RSPH14: variants seen among roughly 807,000 people sequenced by gnomAD.
RSPH14 encodes rhabdoid tumor deletion region gene 1.
In RSPH14, 20 loss-of-function variants were observed where a neutral mutation model predicts 26.7. That is an observed-to-expected ratio of 0.75 (90% confidence interval 0.53 to 1.09). The LOEUF (loss-of-function observed/expected upper bound fraction) is 1.09, where lower values mean the gene tolerates loss of function less well. Ranked by LOEUF, RSPH14 falls within the 50% of genes least tolerant of loss-of-function variation. The pLI, the probability that RSPH14 is intolerant of heterozygous loss-of-function variation, is 0.00. For synonymous variants in RSPH14, 177 were observed against 189.3 expected, an observed-to-expected ratio of 0.93 and a Z score of 0.53; for missense variants, 449 against 457.2, an observed-to-expected ratio of 0.98 and a Z score of 0.16.
chr22:23,176,587 G>A, the RSPH14 span, among the ~76,000 whole-genome samples: 1 of 152,060 alleles, frequency 6.6e-6, no homozygotes, highest in Non-Finnish European at 1.5e-5. Flanking sequence ...CCCACGGCCT[G>A]GTGTTGGGTC....
intron 4 of RSPH14, 120 bp from the exon 5 acceptor site, chr22:23,064,253 C>T: frequency 1.2e-6 from 1 of 851,026 alleles, no homozygotes; most frequent in Non-Finnish European, 1.9e-6. Flanking sequence ...GACAAAAGGA[C>T]TTGCAAGTGC....
chr22:23,095,115 T>G, intron 4 of RSPH14: 1 of 158,706 alleles, frequency 6.3e-6, no homozygotes, highest in Non-Finnish European at 1.4e-5. Flanking sequence ...GAGAGGGGGT[T>G]GGATGGATTG....
chr22:23,073,410 C>T (rs1569158817), intron 4 of RSPH14, among the ~76,000 whole-genome samples: 1 of 152,210 alleles, frequency 6.6e-6, no homozygotes, highest in Non-Finnish European at 1.5e-5. Context: ...CGTGGGAGCA[C>T]CCAGACTGTT....
the RSPH14 span, chr22:23,153,573 G>A: frequency 1.0e-6 from 1 of 985,188 alleles, no homozygotes; most frequent in Non-Finnish European, 1.2e-6. Context: ...CTTGGGCAAG[G>A]AGGGCTGAGA....
intron 3 of RSPH14, among the ~76,000 whole-genome samples, chr22:23,137,597 C>T (rs1276213137): frequency 6.6e-6 from 1 of 152,000 alleles, no homozygotes; most frequent in African/African-American, 2.4e-5. Flanking sequence ...AATCCTGAAC[C>T]GATTTGAAGC....
At chr22:23,105,853 A>G (rs1366066934) in intron 4 of RSPH14, among the ~76,000 whole-genome samples, 1 of 152,202 alleles carries the variant, frequency 6.6e-6, no homozygotes, top group Non-Finnish European at 1.5e-5. Flanking sequence ...CTGAAACAGA[A>G]GTGGACTGGG....
At chr22:23,109,208 G>T (rs1399782520) in intron 4 of RSPH14, among the ~76,000 whole-genome samples, 1 of 152,172 alleles carries the variant, frequency 6.6e-6, no homozygotes, top group Non-Finnish European at 1.5e-5. Context: ...AGCCTCTGGG[G>T]TAAGGTAGAG....
rs530714147 is a variant in RSPH14, at chr22:23,066,015, G to C, written c.422-1882C>G. Among the ~76,000 whole-genome samples the C allele has an allele frequency of 3.3e-3, 497 of 152,184 alleles. 4 individuals carry two copies. The highest frequency in any genetic ancestry group is 5.2e-3 in the Non-Finnish European group (357 of 68,020). On this transcript the variant is annotated intron_variant, in intron 4 of 6. Coordinates refer to ENST00000216036, the MANE Select transcript of RSPH14 (RefSeq NM_014433.3). Reference sequence around the variant, plus strand: ...CTGCTTCCCCTCAGGTTCTGCCCACGGTCTCCCTACCCACTCCTGGCTATA... The same window carrying C: ...CTGCTTCCCCTCAGGTTCTGCCCACCGTCTCCCTACCCACTCCTGGCTATA...
intron 2 of RSPH14, 135 bp downstream of exon 2, chr22:23,140,087 C>T (rs1467152847): frequency 1.5e-5 from 16 of 1,064,856 alleles, no homozygotes; most frequent in Non-Finnish European, 1.7e-5. Context: ...AAAAAGAACC[C>T]GGGCACCGCA....
intron 4 of RSPH14, chr22:23,123,428 C>G: frequency 6.2e-7 from 1 of 1,604,460 alleles, no homozygotes; most frequent in Non-Finnish European, 8.5e-7. Context: ...TTGGCCTTTG[C>G]TGAGGAGCTG....
intron 6 of RSPH14, among the ~76,000 whole-genome samples, chr22:23,060,041 T>C (rs971764290): frequency 1.3e-5 from 2 of 152,144 alleles, no homozygotes; most frequent in African/African-American, 2.4e-5. Context: ...TATCCAGATG[T>C]AGTGACAGGT....
intron 4 of RSPH14, among the ~76,000 whole-genome samples, chr22:23,099,304 C>A (rs1391160516): frequency 6.6e-6 from 1 of 152,266 alleles, no homozygotes; most frequent in African/African-American, 2.4e-5. Flanking sequence ...CAGCGAGCCA[C>A]ATGGGGAGCC....
At chr22:23,138,616 C>T (rs2070524298) in intron 3 of RSPH14, among the ~76,000 whole-genome samples, 1 of 152,024 alleles carries the variant, frequency 6.6e-6, no homozygotes, top group Admixed American at 6.6e-5. Flanking sequence ...TTGGAACTAA[C>T]ATAAAATAAA....
chr22:23,163,894 G>C, the RSPH14 span: 1 of 152,256 alleles, frequency 6.6e-6, no homozygotes, highest in African/African-American at 2.4e-5. Flanking sequence ...CCTCCTTCCT[G>C]TAGCAGCGCC....
intron 2 of RSPH14, 80 bp downstream of exon 2, chr22:23,140,142 C>G: frequency 6.4e-7 from 1 of 1,564,184 alleles, no homozygotes. Context: ...CAATAGCAAC[C>G]CTTATTACTG....
At chr22:23,164,987 G>A in the RSPH14 span, among the ~76,000 whole-genome samples, 5 of 144,732 alleles carry the variant, frequency 3.5e-5, no homozygotes, top group East Asian at 4.4e-4. Flanking sequence ...TGTGCCCAAC[G>A]GCTGGGACAC....
At chr22:23,063,395 G>A (rs142288802) in intron 5 of RSPH14, among the ~76,000 whole-genome samples, 13 of 152,298 alleles carry the variant, frequency 8.5e-5, no homozygotes, top group South Asian at 2.1e-4. Context: ...AACACACACC[G>A]CACCCTGCCC....
At chr22:23,110,488 CTG>C (rs2069613837) in intron 4 of RSPH14, among the ~76,000 whole-genome samples, 1 of 152,200 alleles carries the variant, frequency 6.6e-6, no homozygotes, top group African/African-American at 2.4e-5. Flanking sequence ...GCCCACTGCC[CTG>C]TCTCTCAGGG....
At chr22:23,135,317 CAAAAAAAAAAAA>C (rs55649510) in intron 3 of RSPH14, among the ~76,000 whole-genome samples, 14 of 85,884 alleles carry the variant, frequency 1.6e-4, no homozygotes, top group African/African-American at 5.9e-4. Context: ...ACTAAAAATA[CAAAAAAAAAAAA>C]AAAAAAAAAA....
Sources: allele counts gnomAD v4.1 joint callset (sites outside exome capture counted in the v4.1 genomes callset), GRCh38; gene constraint gnomAD v4.1.1; transcripts MANE v1.5; gene names NCBI Gene and HGNC (gene_info 2026-07-23, HGNC 2026-07-21).